Variants in CLCA2 observed in about 807,000 individuals in gnomAD.
The protein encoded by CLCA2 is calcium-activated chloride channel regulator 2.
A neutral mutation model predicts 82.9 loss-of-function variants in CLCA2; 85 were observed. The observed-to-expected ratio is 1.03, with a 90% confidence interval of 0.86 to 1.23. The LOEUF is 1.23. Among genes scored for constraint, CLCA2 ranks in the 50% most tolerant of loss-of-function variants. The pLI, the probability that CLCA2 is intolerant of heterozygous loss-of-function variation, is 0.00. For synonymous variants in CLCA2, 421 were observed against 391.7 expected (o/e 1.07, Z -0.88); for missense variants, 1,089 against 1,124.8 (o/e 0.97, Z 0.45).
chr1:86,426,569 G>A (rs183618272), intron 2 of CLCA2, among the ~76,000 whole-genome samples: 1 of 152,270 alleles, frequency 6.6e-6, no homozygotes, highest in East Asian at 1.9e-4. Context: ...GGTAAGCTGG[G>A]AAGAGTTAGT....
Position 86,425,429 on chromosome 1 carries a change from T to C in CLCA2, c.277T>C (p.Trp93Arg). ...TATAAAGATTTTAATACCTGCCACA[T>C]GGAAAGCTAATAATAACAGCAAAAT... is the stretch of plus-strand genomic sequence containing the variant. ...RNIKILIPAT[W>R]KANNNSKIKQ... The change falls in exon 2 of 14, where the codon TGG (tryptophan) becomes CGG (arginine). Residue 93 changes from tryptophan to arginine, a missense_variant. Coordinates refer to ENST00000370565, the MANE Select transcript of CLCA2 (RefSeq NM_006536.7). 1 of 1,569,708 alleles carries C rather than the reference T, an allele frequency of 6.4e-7. No homozygotes were observed. Among genetic ancestry groups the C allele is most frequent in the Non-Finnish European group, 8.6e-7 (1 of 1,156,448 alleles).
chr1:86,454,926 T>TTG (rs1259488038), intron 13 of CLCA2, among the ~76,000 whole-genome samples, 159 bp from the exon 14 acceptor site: 1 of 152,162 alleles, frequency 6.6e-6, no homozygotes. Flanking sequence ...ATATGAGTCC[T>TTG]TGTGTAGTGT....
intron 2 of CLCA2, 117 bp from the exon 3 acceptor site, chr1:86,428,301 A>G: frequency 1.1e-6 from 1 of 947,244 alleles, no homozygotes; most frequent in South Asian, 3.7e-5. Context: ...TTATAATTAC[A>G]TACAATAAAA....
intron 6 of CLCA2, among the ~76,000 whole-genome samples, chr1:86,436,135 C>G (rs370343658): frequency 2.2e-4 from 33 of 152,208 alleles, no homozygotes; most frequent in Non-Finnish European, 5.9e-5. Context: ...TATTTACTAT[C>G]TGGCCCTTCA....
In CLCA2 at chr1:86,443,912, T is replaced by C. The variant is rs1312419485; in HGVS notation, c.1614T>C (p.Ile538=). Residue 538 remains isoleucine (I), a synonymous_variant, in exon 10 of 14, where the codon ATT becomes ATC. Transcript: ENST00000370565. ...VTWQASGPPE[I]ILFDPDGRKY... ...GGCAGGCCAGTGGTCCTCCTGAGAT[T>C]ATATTATTTGATCCTGATGGACGAA... 1 of 1,613,562 alleles carries C rather than the reference T, an allele frequency of 6.2e-7. No individual in the cohort carries two copies. Among genetic ancestry groups the C allele is most frequent in the South Asian group, 1.1e-5 (1 of 91,064 alleles).
intron 12 of CLCA2, among the ~76,000 whole-genome samples, chr1:86,452,250 A>G (rs774099288): frequency 7.9e-6 from 1 of 125,948 alleles, no homozygotes; most frequent in Non-Finnish European, 1.6e-5. Context: ...CATATCCATC[A>G]CCAGCTTTTG....
intron 7 of CLCA2, among the ~76,000 whole-genome samples, chr1:86,439,843 G>C (rs1662686777): frequency 6.6e-6 from 1 of 152,092 alleles, no homozygotes; most frequent in Non-Finnish European, 1.5e-5. Context: ...TGCTCTAGGT[G>C]GTCACTTACT....
intron 12 of CLCA2, among the ~76,000 whole-genome samples, chr1:86,452,158 A>G (rs939612593): frequency 2.2e-5 from 2 of 92,034 alleles, no homozygotes; most frequent in Admixed American, 2.4e-4. Flanking sequence ...CAGCTTGCTC[A>G]TTTTAGAAAC....
At chr1:86,434,462 C>T (rs770519968) in intron 5 of CLCA2, 56 bp from the exon 6 acceptor site, 31 of 1,430,292 alleles carry the variant, frequency 2.2e-5, no homozygotes, top group Non-Finnish European at 3.0e-5. Flanking sequence ...AGAATGAGAA[C>T]TATGTTTGCT....
chr1:86,429,315 C>G (rs1431426607), intron 3 of CLCA2, among the ~76,000 whole-genome samples: 3 of 152,104 alleles, frequency 2.0e-5, no homozygotes, highest in African/African-American at 7.2e-5. Flanking sequence ...TTAATTCTAG[C>G]AACTCTAAGC....
Position 86,440,128 on chromosome 1 carries a change from G to A in CLCA2, c.1204-20G>A. 2 of 1,610,356 alleles carry A rather than the reference G, an allele frequency of 1.2e-6. No individual in the cohort carries two copies. The highest frequency in any genetic ancestry group is 2.2e-5 in the South Asian group (2 of 90,450). On this transcript the variant is annotated intron_variant, in intron 7 of 13. Coordinates refer to ENST00000370565, the MANE Select transcript of CLCA2 (RefSeq NM_006536.7). ...ATTTGAACTACACTTCCTTCCAAGT[G>A]ACTAATTCTCTATGTTCAGGTGGTT...
chr1:86,443,942 C>T lies in CLCA2; in HGVS notation c.1644C>T (p.Tyr548=). 6.2e-7 allele frequency: 1 copy of T among 1,613,562 alleles called. No individual in the cohort carries two copies. The highest frequency in any genetic ancestry group is 8.5e-7 in the Non-Finnish European group (1 of 1,179,528). ...IILFDPDGRK[Y]YTNNFITNLT... ...TATTTGATCCTGATGGACGAAAATACTACACAAATAATTTTATCACCAATC... is the reference window on the plus strand; with the variant it reads ...TATTTGATCCTGATGGACGAAAATATTACACAAATAATTTTATCACCAATC... Residue 548 remains tyrosine, a synonymous_variant, in exon 10 of 14, where the codon TAC becomes TAT. Transcript: ENST00000370565.
In CLCA2 at chr1:86,424,433, G is replaced by A. The variant is rs1250887402; in HGVS notation, c.186G>A (p.Lys62=). The change falls in exon 1 of 14, where the codon AAG becomes AAA. Residue 62 remains lysine (K), a splice_region_variant and synonymous_variant. Coordinates refer to ENST00000370565, the MANE Select transcript of CLCA2 (RefSeq NM_006536.7). ...PENQNLISNI[K]EMITEASFYL... ...ATCAGAACCTCATCTCAAACATTAAGGTGAGTGGAAATTATGAAATTGATA... is the reference window on the plus strand; with the variant it reads ...ATCAGAACCTCATCTCAAACATTAAAGTGAGTGGAAATTATGAAATTGATA... 6.2e-7 allele frequency: 1 copy of A among 1,603,684 alleles called. No individual in the cohort carries two copies. Among genetic ancestry groups the A allele is most frequent in the Non-Finnish European group, 8.5e-7 (1 of 1,174,706 alleles).
intron 8 of CLCA2, among the ~76,000 whole-genome samples, chr1:86,440,547 A>G (rs1662707830): frequency 1.3e-5 from 2 of 152,148 alleles, no homozygotes; most frequent in Non-Finnish European, 2.9e-5. Context: ...ATATTTTATA[A>G]TTCTGTGTTA....
intron 6 of CLCA2, among the ~76,000 whole-genome samples, chr1:86,437,749 T>C (rs1050874856): frequency 1.3e-5 from 2 of 152,032 alleles, no homozygotes; most frequent in Admixed American, 1.3e-4. Context: ...GTAACAGAAA[T>C]GGTAAGAGAG....
At chr1:86,431,781 A>G (rs917875814) in intron 4 of CLCA2, among the ~76,000 whole-genome samples, 1 of 152,136 alleles carries the variant, frequency 6.6e-6, no homozygotes, top group Non-Finnish European at 1.5e-5. Flanking sequence ...ATTTCCTAGT[A>G]TCTTTTGCTT....
chr1:86,452,661 G>C (rs1237113607), intron 12 of CLCA2, among the ~76,000 whole-genome samples: 1 of 152,070 alleles, frequency 6.6e-6, no homozygotes. Flanking sequence ...TAGCTGGACA[G>C]TTCCTACTCA....
intron 2 of CLCA2, among the ~76,000 whole-genome samples, chr1:86,427,974 C>G (rs1029463780): frequency 6.6e-6 from 1 of 152,144 alleles, no homozygotes; most frequent in African/African-American, 2.4e-5. Flanking sequence ...AAGTTGTTCA[C>G]AAAAGGCTGT....
At chr1:86,431,076 CAG>C in intron 4 of CLCA2, 106 bp downstream of exon 4, 1 of 726,506 alleles carries the variant, frequency 1.4e-6, no homozygotes, top group Non-Finnish European at 2.3e-6. Context: ...AATTTAATTG[CAG>C]CTAAAACTTA....
Sources: gnomAD v4.1 joint callset for allele counts (sites outside exome capture counted in the v4.1 genomes callset) on GRCh38, gnomAD v4.1.1 for gene constraint, MANE v1.5 for transcripts, NCBI Gene and HGNC (gene_info 2026-07-23, HGNC 2026-07-21) for gene names.